The following CEP44 variants were observed in gnomAD, a reference collection of about 807,000 sequenced individuals.
The protein encoded by CEP44 is centrosomal protein of 44 kDa.
Under a neutral mutation model 46.7 loss-of-function variants are expected in CEP44, and 45 were observed. That is an observed-to-expected ratio of 0.96 (90% CI 0.76 to 1.24). The LOEUF (loss-of-function observed/expected upper bound fraction) is 1.24, where lower values mean the gene tolerates loss of function less well. Ranked by LOEUF, CEP44 falls within the 50% of genes most tolerant of loss-of-function variation. The probability of loss-of-function intolerance (pLI) is 0.00; values close to 1 mark genes in which losing one functional copy is unlikely to be tolerated. For synonymous variants in CEP44, 142 were observed against 146.0 expected, an observed-to-expected ratio of 0.97 and a Z score of 0.20; for missense variants, 475 against 459.7, an observed-to-expected ratio of 1.03 and a Z score of -0.30.
At chr4:174,291,796 T>C (rs1447964903) in intron 1 of CEP44, among the ~76,000 whole-genome samples, 3 of 122,706 alleles carry the variant, frequency 2.4e-5, no homozygotes, top group African/African-American at 1.0e-4. Context: ...TCTTTTTTTT[T>C]TTTTTTTTTT....
At chr4:174,307,575 C>T (rs1740570904) in intron 6 of CEP44, among the ~76,000 whole-genome samples, 1 of 152,134 alleles carries the variant, frequency 6.6e-6, no homozygotes. Context: ...GACGAAGACG[C>T]CAAAGGCAAT....
At chr4:174,294,594 G>A (rs1299521451) in intron 1 of CEP44, among the ~76,000 whole-genome samples, 13 of 151,862 alleles carry the variant, frequency 8.6e-5, no homozygotes, top group African/African-American at 2.7e-4. Flanking sequence ...TGGGCAGAGG[G>A]GCTCCTCACT....
exon 9 of CEP44, chr4:174,333,345 TGACA>T (rs1035361788): frequency 4.0e-5 from 6 of 149,938 alleles, no homozygotes; most frequent in Non-Finnish European, 8.9e-5. Context: ...AAAGTTCATA[TGACA>T]GACCTATTCT....
In CEP44 at chr4:174,320,018, A is replaced by G; in HGVS notation, c.*2635A>G. The G allele has an allele frequency of 3.0e-6, 3 of 985,224 alleles. No individual in the cohort carries two copies. The highest frequency in any genetic ancestry group is 3.6e-6 in the Non-Finnish European group (3 of 829,806). The allele number at this position is 985,224 out of a possible 1,614,324, so 61.0% of individuals were successfully genotyped here. On this transcript the variant is annotated 3_prime_UTR_variant, in exon 12 of 12. Coordinates refer to ENST00000503780, the MANE Select transcript of CEP44 (RefSeq NM_001040157.3). ...TAAAATTTTCACTTTCATTCTTTTC[A>G]TTCTCTCATAAACTGGTTGAAAAAA...
chr4:174,316,738 T>G (rs1346716137), intron 11 of CEP44, 171 bp downstream of exon 11: 1 of 510,192 alleles, frequency 2.0e-6, no homozygotes, highest in African/African-American at 2.0e-5. Context: ...GTTATGTGTT[T>G]GTGAGATGAG....
chr4:174,303,456 C>T (rs1458350458), intron 4 of CEP44, among the ~76,000 whole-genome samples: 1 of 151,982 alleles, frequency 6.6e-6, no homozygotes, highest in African/African-American at 2.4e-5. Flanking sequence ...TATATTTTTC[C>T]ATCTCTCTGG....
At chr4:174,294,734 C>G (rs1331821130) in intron 1 of CEP44, among the ~76,000 whole-genome samples, 2 of 144,092 alleles carry the variant, frequency 1.4e-5, no homozygotes, top group East Asian at 2.1e-4. Flanking sequence ...GACCACCCCC[C>G]ACCTCCCTGC....
At chr4:174,283,852 C>A, upstream of CEP44, 1 of 398,794 alleles carries the variant, frequency 2.5e-6, no homozygotes, top group South Asian at 1.3e-4. The surrounding 1 kb of genome is among the most constrained non-coding windows in gnomAD (Gnocchi z 6.7). Flanking sequence ...TCAGCGGAGT[C>A]GCTCTTCACA....
At chr4:174,283,721 T>A, upstream of CEP44, 1 of 397,290 alleles carries the variant, frequency 2.5e-6, no homozygotes, top group Non-Finnish European at 4.4e-6. The surrounding 1 kb of genome is among the most constrained non-coding windows in gnomAD (Gnocchi z 6.7). Context: ...TTTATTTCTG[T>A]TGTTTACGAT....
chr4:174,328,800 T>C (rs1406537520), intron 8 of CEP44, among the ~76,000 whole-genome samples: 2 of 152,236 alleles, frequency 1.3e-5, no homozygotes, highest in South Asian at 2.1e-4. Flanking sequence ...ATAGAAGTTA[T>C]CAATTATGCT....
At chr4:174,291,049 C>T (rs1451689480) in intron 1 of CEP44, among the ~76,000 whole-genome samples, 1 of 152,124 alleles carries the variant, frequency 6.6e-6, no homozygotes, top group Non-Finnish European at 1.5e-5. Context: ...ATGTTAGAGT[C>T]TCTTGTAGAT....
chr4:174,292,564 T>G (rs959638287), intron 1 of CEP44, among the ~76,000 whole-genome samples: 3 of 152,218 alleles, frequency 2.0e-5, no homozygotes, highest in Non-Finnish European at 4.4e-5. Context: ...TTATTCTTTT[T>G]AATATTTCTT....
intron 1 of CEP44, among the ~76,000 whole-genome samples, chr4:174,284,855 C>A (rs1737392929): frequency 6.6e-6 from 1 of 152,146 alleles, no homozygotes; most frequent in Non-Finnish European, 1.5e-5. Context: ...TAATATCGAG[C>A]ATTATGTGCT....
downstream of CEP44, chr4:174,320,477 T>C (rs1169230227): frequency 1.6e-4 from 30 of 192,164 alleles, no homozygotes; most frequent in Non-Finnish European, 1.8e-4. Context: ...TTTTACTTTT[T>C]AACAGTCCCC....
intron 1 of CEP44, among the ~76,000 whole-genome samples, chr4:174,296,661 C>T (rs1739055130): frequency 6.6e-6 from 1 of 151,664 alleles, no homozygotes; most frequent in Non-Finnish European, 1.5e-5. Context: ...GTGGATGTTC[C>T]ATGTGAAATT....
chr4:174,332,923 A>T (rs1287931656), exon 9 of CEP44: 1 of 152,122 alleles, frequency 6.6e-6, no homozygotes, highest in Admixed American at 6.6e-5. Flanking sequence ...TTCCTTTCTA[A>T]CTAACACATT....
chr4:174,316,638 G>A, intron 11 of CEP44, 71 bp downstream of exon 11: 1 of 1,372,168 alleles, frequency 7.3e-7, no homozygotes. Context: ...AGTATATATA[G>A]AATGTGCATG....
At chr4:174,323,442 G>C (rs1742453903), downstream of CEP44, among the ~76,000 whole-genome samples, 2 of 152,074 alleles carry the variant, frequency 1.3e-5, no homozygotes, top group Non-Finnish European at 2.9e-5. Context: ...TCATTCCTCT[G>C]ATACCAAACC....
At position 174,314,643 on chromosome 4, in the gene CEP44, C is replaced by T. The variant is rs1309034778; in HGVS notation, c.962-1523C>T. On this transcript the variant is annotated intron_variant, in intron 9 of 11. Coordinates refer to ENST00000503780, the MANE Select transcript of CEP44 (RefSeq NM_001040157.3). This position sits in a 1 kb window ranked among gnomAD's most constrained non-coding sequence, Gnocchi z 4.1. ...GACCTGTTTCCTTTTCCTAGGGCCCCCTCCTCTTTTTGGAAAGATGTCCGA... is the reference window on the plus strand; with the variant it reads ...GACCTGTTTCCTTTTCCTAGGGCCCTCTCCTCTTTTTGGAAAGATGTCCGA... Among the ~76,000 whole-genome samples, 2 of 152,136 alleles carry T rather than the reference C, an allele frequency of 1.3e-5. No homozygotes were observed. Among genetic ancestry groups the T allele is most frequent in the Middle Eastern group, 3.2e-3 (1 of 316 alleles).
Sources: allele counts gnomAD v4.1 joint callset (sites outside exome capture counted in the v4.1 genomes callset), GRCh38; gene constraint gnomAD v4.1.1; non-coding constraint Gnocchi (gnomAD v3.1); transcripts MANE v1.5; gene names NCBI Gene and HGNC (gene_info 2026-07-23, HGNC 2026-07-21).